CRNKL1: variants seen among roughly 807,000 people sequenced by gnomAD.
CRNKL1 encodes the protein crooked neck-like protein 1.
A neutral mutation model predicts 103.7 loss-of-function variants in CRNKL1; 35 were observed. The ratio of observed to expected loss-of-function variants is 0.34; its 90% CI spans 0.26 to 0.45. The LOEUF (loss-of-function observed/expected upper bound fraction) is 0.45. Among genes scored for constraint, CRNKL1 ranks in the 20% least tolerant of loss-of-function variants. The probability of loss-of-function intolerance (pLI) is 1.00; values close to 1 mark genes in which losing one functional copy is unlikely to be tolerated. For missense variants in CRNKL1, 645 were observed against 836.0 expected (o/e 0.77, Z 2.82); for synonymous variants, 267 against 282.6 (o/e 0.94, Z 0.55).
intron 5 of CRNKL1, among the ~76,000 whole-genome samples, chr20:20,045,975 T>C (rs1412028364): frequency 1.3e-5 from 2 of 152,196 alleles, no homozygotes; most frequent in East Asian, 1.9e-4. Context: ...GCACCAATTA[T>C]ATTAAAATAT....
In CRNKL1 at chr20:20,037,489, G is replaced by A; in HGVS notation, c.1730C>T (p.Ala577Val). Residue 577 changes from alanine (A) to valine (V), a missense_variant, in exon 13 of 14, where the codon GCT (alanine) becomes GTT (valine). Physicochemically the swap from Ala to Val is moderately conservative, Grantham distance 64. Around this residue, in one of 2 missense-constraint regions of CRNKL1, gnomAD observed 582 missense variants for 707.7 expected, o/e 0.82. Coordinates refer to ENST00000536226, the MANE Select transcript of CRNKL1 (RefSeq NM_001278628.2). The part of the protein sequence containing the change: ...LTKCRQIYEE[A>V]NKTMRNCEEK... ...TTCACAGTTTCGCATGGTTTTGTTAGCTTCTTCATAAATTTGTCTGCATTT... is the reference window on the plus strand; with the variant it reads ...TTCACAGTTTCGCATGGTTTTGTTAACTTCTTCATAAATTTGTCTGCATTT... 1.9e-6 allele frequency: 3 copies of A among 1,614,142 alleles called. No homozygotes were observed. Among genetic ancestry groups the A allele is most frequent in the Non-Finnish European group, 1.7e-6 (2 of 1,180,036 alleles).
rs143527121 is a variant in CRNKL1 at position 20,034,968 on chromosome 20, A to T, written c.*1227T>A. 1 of 152,332 alleles carries T rather than the reference A, an allele frequency of 6.6e-6. No homozygotes were observed. Among genetic ancestry groups the T allele is most frequent in the South Asian group, 2.1e-4 (1 of 4,828 alleles). The allele number at this position is 152,332 out of a possible 1,614,324, so 9.4% of individuals were successfully genotyped here. A position where few individuals can be genotyped will look rare whatever the true frequency, so the allele number is the denominator to read the frequency against. On this transcript the variant is annotated 3_prime_UTR_variant, in exon 14 of 14. Coordinates refer to ENST00000536226, the MANE Select transcript of CRNKL1 (RefSeq NM_001278628.2). ...TCCTTGGGCAGTGAACAAAGAAAAA[A>T]TGTGCTTGAGAAACACAGTCCAGGT...
rs1418961965 is a variant in CRNKL1, at chr20:20,042,321, TCACC to T, written c.1164_1164+3del. On this transcript the variant is annotated splice_donor_variant and splice_donor_region_variant and coding_sequence_variant and intron_variant, in exon 8 of 14. Transcript: ENST00000536226. LOFTEE classifies it high-confidence loss of function. ...TCAGCTGACACATAATTCTGTTTTT[TCACC>T]TTTGCCTCCAATTCTTCATAGAGTG... is the stretch of plus-strand genomic sequence containing the variant. 1.9e-6 allele frequency: 3 copies of T among 1,583,136 alleles called. No individual in the cohort carries two copies. Among genetic ancestry groups the T allele is most frequent in the African/African-American group, 1.4e-5 (1 of 73,656 alleles).
At position 20,050,504 on chromosome 20, in the gene CRNKL1, T is replaced by G. The variant is rs763200098; in HGVS notation, c.170A>C (p.Glu57Ala). ...PPPQQKITDE[E>A]ELNDYKLRKR... ...CCTTAGTTTATAATCATTTAATTCT[T>G]CTTCATCTGTGATCTTCTGTTGAGG... is the stretch of plus-strand genomic sequence containing the variant. The change falls in exon 2 of 14, where the codon GAA becomes GCA. Residue 57 changes from glutamate (E) to alanine (A), a missense_variant. Glu to Ala is a moderately radical substitution (Grantham distance 107). Transcript: ENST00000536226. 1 of 1,613,854 alleles carries G rather than the reference T, an allele frequency of 6.2e-7. No individual in the cohort carries two copies. The highest frequency in any genetic ancestry group is 1.3e-5 in the African/African-American group (1 of 74,920).
chr20:20,037,724 A>G (rs945671861), intron 12 of CRNKL1, among the ~76,000 whole-genome samples, 153 bp from the exon 13 acceptor site: 10 of 152,260 alleles, frequency 6.6e-5, no homozygotes, highest in African/African-American at 2.2e-4. Context: ...ATATGCTTCA[A>G]TATAAACACT....
chr20:20,035,835 A>ACTC lies in CRNKL1; in HGVS notation c.*357_*359dup, dbSNP rs1216809997. 5.9e-6 allele frequency: 1 copy of ACTC among 168,404 alleles called. No individual in the cohort carries two copies. The highest frequency in any genetic ancestry group is 2.4e-5 in the African/African-American group (1 of 41,768). 10.4% of individuals were successfully genotyped at this position (168,404 alleles called of 1,614,324 possible). On this transcript the variant is annotated 3_prime_UTR_variant, in exon 14 of 14. Transcript: ENST00000536226. Reference sequence around the variant, plus strand: ...GCTGGGAAATGAACTCAAGTCTGTGACTCTGAAGACATGAAAAAGTTACAC... The same window carrying ACTC: ...GCTGGGAAATGAACTCAAGTCTGTGACTCCTCTGAAGACATGAAAAAGTTACAC...
intron 3 of CRNKL1, 120 bp from the exon 4 acceptor site, chr20:20,048,621 G>C: frequency 2.1e-6 from 2 of 952,624 alleles, no homozygotes; most frequent in Non-Finnish European, 3.1e-6. Flanking sequence ...CCAAGTTCTG[G>C]GCATAAAAAA....
intron 1 of CRNKL1, among the ~76,000 whole-genome samples, chr20:20,050,858 CA>C (rs2043695190): frequency 6.6e-6 from 1 of 152,046 alleles, no homozygotes; most frequent in African/African-American, 2.4e-5. Flanking sequence ...AAAAAGGTGG[CA>C]AAAATAATAG....
chr20:20,053,005 A>G (rs1320807303), upstream of CRNKL1, among the ~76,000 whole-genome samples: 1 of 152,250 alleles, frequency 6.6e-6, no homozygotes, highest in Non-Finnish European at 1.5e-5. Flanking sequence ...TTAGGAAAAA[A>G]TATAAATAGA....
At chr20:20,047,995 A>G in intron 4 of CRNKL1, 64 bp from the exon 5 acceptor site, 2 of 1,512,340 alleles carry the variant, frequency 1.3e-6, no homozygotes, top group South Asian at 2.5e-5. Context: ...AATGGGAAGA[A>G]GATTGAAGAT....
At chr20:20,049,616 T>C (rs535704301) in intron 2 of CRNKL1, among the ~76,000 whole-genome samples, 185 bp from the exon 3 acceptor site, 2 of 152,368 alleles carry the variant, frequency 1.3e-5, no homozygotes, top group African/African-American at 4.8e-5. Context: ...TAACTGATAC[T>C]TTAAAATGGT....
chr20:20,036,481 TCTA>T, intron 13 of CRNKL1, 119 bp from the exon 14 acceptor site: 1 of 916,698 alleles, frequency 1.1e-6, no homozygotes. Context: ...AACATCAAAG[TCTA>T]CTACAGAAAG....
rs2043459624 is a variant in CRNKL1, at chr20:20,038,520, T to C, written c.1546-70A>G. The C allele has an allele frequency of 3.6e-6, 3 of 839,712 alleles. No individual in the cohort carries two copies. In the Admixed American group the frequency reaches 6.5e-5, roughly 18 times the overall value. The allele number at this position is 839,712 out of a possible 1,614,324, so 52.0% of individuals were successfully genotyped here. On this transcript the variant is annotated intron_variant, in intron 11 of 13. Transcript: ENST00000536226. Reference sequence around the variant, plus strand: ...AGCATGCCCCCATCCAAAGCACAGCTGAAGTATCACTCTAACCTACATCTA... The same window carrying C: ...AGCATGCCCCCATCCAAAGCACAGCCGAAGTATCACTCTAACCTACATCTA...
chr20:20,052,370 T>C lies in CRNKL1; in HGVS notation c.-28A>G, dbSNP rs369544240. On this transcript the variant is annotated 5_prime_UTR_variant, in exon 1 of 14. Coordinates refer to ENST00000536226, the MANE Select transcript of CRNKL1 (RefSeq NM_001278628.2). ...CTGCAGCAGTCGACCTCTGGACACC[T>C]GTCCCCGGCACGGACGCTAGAAATC... 5 of 1,614,050 alleles carry C rather than the reference T, an allele frequency of 3.1e-6. No individual in the cohort carries two copies. Among genetic ancestry groups the C allele is most frequent in the African/African-American group, 1.3e-5 (1 of 74,948 alleles).
In CRNKL1 at chr20:20,038,255, C is replaced by CA. The variant is rs1191646113; in HGVS notation, c.1647+93dup. Reference sequence around the variant, plus strand: ...GAAGTCATTAAAAAAAAAAAAAAAACAAAAACCCAAACACTTAAAATACAG... The same window carrying CA: ...GAAGTCATTAAAAAAAAAAAAAAAACAAAAAACCCAAACACTTAAAATACAG... On this transcript the variant is annotated intron_variant, in intron 12 of 13. Transcript: ENST00000536226. 1.7e-5 allele frequency: 8 copies of CA among 468,376 alleles called. No individual in the cohort carries two copies. In the African/African-American group the frequency reaches 2.4e-4, roughly 14 times the overall value. The allele number at this position is 468,376 out of a possible 1,614,324, so 29.0% of individuals were successfully genotyped here. A position where few individuals can be genotyped will look rare whatever the true frequency, so the allele number is the denominator to read the frequency against.
chr20:20,049,937 C>A (rs1274104303), intron 2 of CRNKL1, among the ~76,000 whole-genome samples: 1 of 152,084 alleles, frequency 6.6e-6, no homozygotes, highest in Non-Finnish European at 1.5e-5. Flanking sequence ...CATGTCTCAG[C>A]CTCCCGAATA....
At chr20:20,049,211 G>A in intron 3 of CRNKL1, 129 bp downstream of exon 3, 1 of 519,934 alleles carries the variant, frequency 1.9e-6, no homozygotes, top group East Asian at 3.0e-5. Context: ...GGGTTCCATG[G>A]AACCAAAGTT....
Position 20,050,454 on chromosome 20 carries a change from TACC to T in CRNKL1, c.204+13_204+15del, listed in dbSNP as rs764638525. Reference sequence around the variant, plus strand: ...TCTTAACAATTAGTGGACTGAAAGATACCACACTGACTGACCTTCCTTTTCCTT... The same window carrying T: ...TCTTAACAATTAGTGGACTGAAAGATACACTGACTGACCTTCCTTTTCCTT... On this transcript the variant is annotated intron_variant, in intron 2 of 13. Transcript: ENST00000536226. 9 of 1,609,338 alleles carry T rather than the reference TACC, an allele frequency of 5.6e-6. No homozygotes were observed. The highest frequency in any genetic ancestry group is 6.8e-6 in the Non-Finnish European group (8 of 1,177,602).
chr20:20,045,350 G>C lies in CRNKL1; in HGVS notation c.759C>G (p.His253Gln), dbSNP rs774801438. The C allele has an allele frequency of 2.5e-6, 4 of 1,612,642 alleles. No individual in the cohort carries two copies. The South Asian group carries it at 4.4e-5, about 18-fold the overall frequency. ...EFFGDEHMDE[H>Q]LYVAFAKFEE... ...CAAACTTGGCAAAGGCAACATAAAG[G>C]TGCTCATCCATATGTTCATCTCCAA... Residue 253 changes from histidine (H) to glutamine (Q), a missense_variant, in exon 6 of 14, where the codon CAC becomes CAG. Around this residue, in one of 2 missense-constraint regions of CRNKL1, gnomAD observed 582 missense variants for 707.7 expected, o/e 0.82. Transcript: ENST00000536226.
Sources: allele counts gnomAD v4.1 joint callset (sites outside exome capture counted in the v4.1 genomes callset), GRCh38; gene constraint gnomAD v4.1.1; regional missense constraint gnomAD v4.1.1; transcripts MANE v1.5; gene names NCBI Gene and HGNC (gene_info 2026-07-23, HGNC 2026-07-21).